The following MAF variants were observed in gnomAD, a reference collection of about 807,000 sequenced individuals.
MAF encodes the protein transcription factor Maf.
Under a neutral mutation model 22.0 loss-of-function variants are expected in MAF, and 10 were observed. The observed-to-expected ratio is 0.45, with a 90% CI of 0.28 to 0.77. The LOEUF is 0.77. Among genes scored for constraint, MAF ranks in the 30% least tolerant of loss-of-function variants. The probability of loss-of-function intolerance (pLI) is 0.12; values close to 1 mark genes in which losing one functional copy is unlikely to be tolerated. For missense variants in MAF, 544 were observed against 548.4 expected, an observed-to-expected ratio of 0.99 and a Z score of 0.08; for synonymous variants, 337 against 255.8, an observed-to-expected ratio of 1.32 and a Z score of -3.03.
chr16:79,506,748 A>G, the MAF span, among the ~76,000 whole-genome samples: 1 of 152,208 alleles, frequency 6.6e-6, no homozygotes, highest in Non-Finnish European at 1.5e-5. Flanking sequence ...TCACTGGGTG[A>G]TGAAACAGCA....
chr16:79,447,559 C>T, the MAF span, among the ~76,000 whole-genome samples: 14,086 of 151,944 alleles, frequency 0.093, 762 homozygotes, highest in African/African-American at 0.14. Flanking sequence ...AAGTAGTGAC[C>T]CCTCTGGTGG....
At chr16:79,574,656 G>C in the MAF span, among the ~76,000 whole-genome samples, 1 of 152,104 alleles carries the variant, frequency 6.6e-6, no homozygotes, top group African/African-American at 2.4e-5. Flanking sequence ...GGGGGAATGT[G>C]ACCTACCCAG....
At chr16:79,564,592 C>T in the MAF span, among the ~76,000 whole-genome samples, 22 of 152,314 alleles carry the variant, frequency 1.4e-4, no homozygotes, top group South Asian at 4.4e-3. Context: ...TTCTTTTGTC[C>T]ATGTGACAAC....
the MAF span, among the ~76,000 whole-genome samples, chr16:79,370,268 A>C: frequency 6.6e-6 from 1 of 152,196 alleles, no homozygotes; most frequent in Admixed American, 6.5e-5. Context: ...CTTTGGGTTG[A>C]GACTGGAGGT....
At chr16:79,327,145 A>G in the MAF span, among the ~76,000 whole-genome samples, 2 of 152,184 alleles carry the variant, frequency 1.3e-5, no homozygotes, top group Non-Finnish European at 1.5e-5. Flanking sequence ...TTGGATTTTT[A>G]AATTGTAAAA....
At chr16:79,496,401 A>T in the MAF span, among the ~76,000 whole-genome samples, 1 of 152,180 alleles carries the variant, frequency 6.6e-6, no homozygotes, top group African/African-American at 2.4e-5. Context: ...TGACTAGCAA[A>T]ATCAGCAGGC....
At chr16:79,457,802 T>A in the MAF span, among the ~76,000 whole-genome samples, 1 of 152,104 alleles carries the variant, frequency 6.6e-6, no homozygotes, top group Non-Finnish European at 1.5e-5. Flanking sequence ...GGTCATGGTA[T>A]CTTTCATCAG....
chr16:79,418,501 T>C, the MAF span, among the ~76,000 whole-genome samples: 1 of 152,150 alleles, frequency 6.6e-6, no homozygotes, highest in South Asian at 2.1e-4. Context: ...CGATGGTAAT[T>C]TGGAACAAAG....
chr16:79,515,627 C>T, the MAF span, among the ~76,000 whole-genome samples: 1 of 152,120 alleles, frequency 6.6e-6, no homozygotes, highest in Non-Finnish European at 1.5e-5. Flanking sequence ...AAGCTATAGC[C>T]CCATCTTAAG....
the MAF span, among the ~76,000 whole-genome samples, chr16:79,350,829 T>C: frequency 6.6e-6 from 1 of 151,366 alleles, no homozygotes; most frequent in African/African-American, 2.4e-5. Flanking sequence ...AATGTCAGAG[T>C]TGTGTGGTAC....
chr16:79,248,002 A>T, the MAF span, among the ~76,000 whole-genome samples: 1 of 148,498 alleles, frequency 6.7e-6, no homozygotes, highest in Admixed American at 6.8e-5. Flanking sequence ...CCAGTTTTGG[A>T]CAGAATTTTA....
chr16:79,531,578 G>A, the MAF span, among the ~76,000 whole-genome samples: 1 of 152,140 alleles, frequency 6.6e-6, no homozygotes, highest in Non-Finnish European at 1.5e-5. Flanking sequence ...GACTGTGACA[G>A]ATCATCAGGC....
the MAF span, among the ~76,000 whole-genome samples, chr16:79,232,183 G>C: frequency 1.3e-5 from 2 of 152,026 alleles, no homozygotes; most frequent in African/African-American, 4.8e-5. Context: ...GTACCAATCT[G>C]TGGCCCAGGG....
chr16:79,335,961 G>C, the MAF span, among the ~76,000 whole-genome samples: 1 of 152,184 alleles, frequency 6.6e-6, no homozygotes. Context: ...CCAGAGTCCA[G>C]CCAGGTTGAG....
chr16:79,281,784 A>G, the MAF span, among the ~76,000 whole-genome samples: 1 of 151,970 alleles, frequency 6.6e-6, no homozygotes, highest in Admixed American at 6.6e-5. Context: ...TGACCTTGTG[A>G]TCTGCCTGCC....
the MAF span, among the ~76,000 whole-genome samples, chr16:79,281,636 C>T: frequency 6.6e-6 from 1 of 151,006 alleles, no homozygotes; most frequent in Non-Finnish European, 1.5e-5. Context: ...GCAACCTCCG[C>T]CTCCCAGGTT....
At chr16:79,391,852 GAGAGAAGAAGGA>G in the MAF span, among the ~76,000 whole-genome samples, 1 of 146,574 alleles carries the variant, frequency 6.8e-6, no homozygotes, top group Non-Finnish European at 1.5e-5. Context: ...GGGGGAAAGA[GAGAGAAGAAGGA>G]GGAGGAGAAG....
chr16:79,392,885 T>TG, the MAF span, among the ~76,000 whole-genome samples: 8 of 152,314 alleles, frequency 5.3e-5, no homozygotes, highest in South Asian at 1.5e-3. Flanking sequence ...GGCCCAAGTT[T>TG]GGGGGTTTCT....
chr16:79,399,136 C>T, the MAF span, among the ~76,000 whole-genome samples: 1 of 152,188 alleles, frequency 6.6e-6, no homozygotes, highest in Non-Finnish European at 1.5e-5. Context: ...AATGGACAGA[C>T]CTGCCATTGA....
Sources: gnomAD v4.1 joint callset for allele counts (sites outside exome capture counted in the v4.1 genomes callset) on GRCh38, gnomAD v4.1.1 for gene constraint, MANE v1.5 for transcripts, NCBI Gene and HGNC (gene_info 2026-07-23, HGNC 2026-07-21) for gene names.